Variants in RBM28 observed in about 807,000 individuals in gnomAD.
The protein encoded by RBM28 is RNA-binding protein 28.
In RBM28, 78 loss-of-function variants were observed where a neutral mutation model predicts 98.3. The ratio of observed to expected loss-of-function variants is 0.79; its 90% CI spans 0.66 to 0.96. The LOEUF (loss-of-function observed/expected upper bound fraction) is 0.96. RBM28 is among the 40% of genes least tolerant of loss of function. The probability of loss-of-function intolerance (pLI) is 0.00; values close to 1 mark genes in which losing one functional copy is unlikely to be tolerated. For missense variants in RBM28, 838 were observed against 913.0 expected (o/e 0.92, Z 1.06); for synonymous variants, 306 against 330.9 (o/e 0.92, Z 0.82).
Position 128,338,793 on chromosome 7 carries a change from T to C in RBM28, c.381A>G (p.Glu127=). 6.2e-7 allele frequency: 1 copy of C among 1,609,964 alleles called. No individual in the cohort carries two copies. The highest frequency in any genetic ancestry group is 1.1e-5 in the South Asian group (1 of 90,980). ...IIRNLSFKCS[E]DDLKTVFAQF... ...GAGCAAATACTGTCTTCAAGTCATC[T>C]TCTGAACACTGAAGCCAAAAGTGAA... Residue 127 remains glutamate, a synonymous_variant, in exon 4 of 19, where the codon GAA becomes GAG. Transcript: ENST00000223073.
Position 128,323,544 on chromosome 7 carries a change from T to C in RBM28, c.1387A>G (p.Met463Val). ...CTACTCACCCGTTCTCTTTTGGCCATATCAGCAGCACTCACACCCTCTGCA... is the reference window on the plus strand; with the variant it reads ...CTACTCACCCGTTCTCTTTTGGCCACATCAGCAGCACTCACACCCTCTGCA... ...KAAEGVSAAD[M>V]AKRERFELLK... Residue 463 changes from methionine (M) to valine (V), a missense_variant, in exon 13 of 19, where the codon ATG becomes GTG. Coordinates refer to ENST00000223073, the MANE Select transcript of RBM28 (RefSeq NM_018077.3). 1.9e-6 allele frequency: 3 copies of C among 1,614,256 alleles called. No individual in the cohort carries two copies. The highest frequency in any genetic ancestry group is 2.5e-6 in the Non-Finnish European group (3 of 1,180,050).
chr7:128,318,532 AC>A (rs1028971687), intron 14 of RBM28, among the ~76,000 whole-genome samples: 3 of 152,032 alleles, frequency 2.0e-5, no homozygotes, highest in Non-Finnish European at 4.4e-5. Context: ...TACCACCATC[AC>A]AAAAATCACA....
At chr7:128,327,471 C>A (rs1422712020) in intron 10 of RBM28, among the ~76,000 whole-genome samples, 1 of 152,126 alleles carries the variant, frequency 6.6e-6, no homozygotes, top group Non-Finnish European at 1.5e-5. Flanking sequence ...ACCAATTAAC[C>A]CATCTCTATT....
chr7:128,327,525 A>G (rs1209428514), intron 10 of RBM28, among the ~76,000 whole-genome samples: 3 of 150,074 alleles, frequency 2.0e-5, no homozygotes, highest in Non-Finnish European at 4.4e-5. Context: ...TTTGAGACGG[A>G]GTTTCGCTCT....
intron 8 of RBM28, 61 bp downstream of exon 8, chr7:128,335,482 A>G: frequency 6.3e-7 from 1 of 1,598,054 alleles, no homozygotes; most frequent in Non-Finnish European, 8.6e-7. Flanking sequence ...ACTGATGCTC[A>G]TTTCCGTAAC....
intron 17 of RBM28, among the ~76,000 whole-genome samples, chr7:128,314,250 C>A (rs1038430177): frequency 2.6e-5 from 4 of 152,204 alleles, no homozygotes; most frequent in African/African-American, 9.6e-5. Flanking sequence ...GCGTGAGCCA[C>A]CGCGCCCAGC....
chr7:128,308,535 G>C lies in RBM28; in HGVS notation c.*2262C>G, dbSNP rs1208005845. On this transcript the variant is annotated 3_prime_UTR_variant, in exon 19 of 19. Coordinates refer to ENST00000223073, the MANE Select transcript of RBM28 (RefSeq NM_018077.3). ...TTGCCAGGCTACCGTAAGAACATTT[G>C]ACAGCCCAAGTCATGTCTCGAGGTG... is the stretch of plus-strand genomic sequence containing the variant. The C allele has an allele frequency of 6.6e-6, 1 of 152,216 alleles. No individual in the cohort carries two copies. The highest frequency in any genetic ancestry group is 6.5e-5 in the Admixed American group (1 of 15,280). 9.4% of individuals were successfully genotyped at this position (152,216 alleles called of 1,614,324 possible).
intron 18 of RBM28, chr7:128,312,966 T>G (rs1796018869): frequency 1.7e-6 from 1 of 591,392 alleles, no homozygotes; most frequent in Non-Finnish European, 3.0e-6. Context: ...ACAAGGAGAC[T>G]GCTGAAACAC....
intron 16 of RBM28, among the ~76,000 whole-genome samples, chr7:128,315,807 A>T (rs1796096192): frequency 6.6e-6 from 1 of 152,250 alleles, no homozygotes; most frequent in South Asian, 2.1e-4. Context: ...AATGGAGAGA[A>T]TTTGTTGCCA....
intron 10 of RBM28, among the ~76,000 whole-genome samples, chr7:128,330,106 C>T (rs1055117684): frequency 5.3e-5 from 8 of 151,780 alleles, no homozygotes; most frequent in Non-Finnish European, 1.0e-4. Context: ...TTCCTTCTAA[C>T]GGCTGACACT....
rs1795765062 is a variant in RBM28, at chr7:128,300,440, G to C, written c.*10357C>G. The C allele has an allele frequency of 6.6e-6, 1 of 152,238 alleles. No individual in the cohort carries two copies. Among genetic ancestry groups the C allele is most frequent in the South Asian group, 2.1e-4 (1 of 4,830 alleles). The allele number at this position is 152,238 out of a possible 1,614,324, so 9.4% of individuals were successfully genotyped here. ...TGCTCAGGACCCTCTGCAGCTCCTG[G>C]GGGAACACTGGCACAGACGGGTGCA... On this transcript the variant is annotated 3_prime_UTR_variant, in exon 19 of 19. Transcript: ENST00000223073.
intron 2 of RBM28, 81 bp downstream of exon 2, chr7:128,339,552 C>T (rs1408731477): frequency 6.6e-7 from 1 of 1,504,138 alleles, no homozygotes; most frequent in Non-Finnish European, 9.2e-7. Flanking sequence ...CTAGAAGCTA[C>T]CTCCATGCCT....
intron 14 of RBM28, among the ~76,000 whole-genome samples, chr7:128,319,159 A>G (rs980847241): frequency 5.9e-5 from 9 of 152,280 alleles, no homozygotes; most frequent in African/African-American, 2.2e-4. Flanking sequence ...TTGGGGATGC[A>G]TGGATGCCGC....
intron 8 of RBM28, among the ~76,000 whole-genome samples, chr7:128,334,234 A>G (rs895215529): frequency 1.3e-5 from 2 of 152,254 alleles, no homozygotes; most frequent in African/African-American, 4.8e-5. Flanking sequence ...GATGCACAAG[A>G]AACAACAGTG....
intron 9 of RBM28, among the ~76,000 whole-genome samples, chr7:128,331,757 C>T (rs747179132): frequency 1.3e-5 from 2 of 152,060 alleles, no homozygotes; most frequent in African/African-American, 2.4e-5. Flanking sequence ...AATTTCAACA[C>T]AGTATAAAGA....
At chr7:128,317,763 T>C (rs1262255562) in intron 15 of RBM28, 30 bp from the exon 16 acceptor site, 4 of 1,531,330 alleles carry the variant, frequency 2.6e-6, no homozygotes, top group Admixed American at 1.7e-5. Context: ...TGCCATTCAT[T>C]AGACTTCTTA....
rs1030347436 is a variant in RBM28 at position 128,305,212 on chromosome 7, T to A, written c.*5585A>T. 5.3e-5 allele frequency: 8 copies of A among 151,112 alleles called. No individual in the cohort carries two copies. The highest frequency in any genetic ancestry group is 1.2e-4 in the Non-Finnish European group (8 of 67,854). The allele number at this position is 151,112 out of a possible 1,614,324, so 9.4% of individuals were successfully genotyped here. ...CTGCATCAATCCTGTTGTCTCACTG[T>A]AAATAGCATAAGAACAATGTTCTGG... On this transcript the variant is annotated 3_prime_UTR_variant, in exon 19 of 19. Transcript: ENST00000223073.
At chr7:128,340,838 T>C (rs1179984650) in intron 1 of RBM28, among the ~76,000 whole-genome samples, 1 of 152,198 alleles carries the variant, frequency 6.6e-6, no homozygotes, top group Non-Finnish European at 1.5e-5. Context: ...GCAAATATTA[T>C]CACCCCTTCT....
intron 10 of RBM28, among the ~76,000 whole-genome samples, chr7:128,326,868 G>A (rs191336424): frequency 2.0e-5 from 3 of 152,218 alleles, no homozygotes; most frequent in African/African-American, 7.2e-5. Context: ...GGCTGGGTGT[G>A]GTGGCTTACA....
Sources: gnomAD v4.1 joint callset for allele counts (sites outside exome capture counted in the v4.1 genomes callset) on GRCh38, gnomAD v4.1.1 for gene constraint, MANE v1.5 for transcripts, NCBI Gene and HGNC (gene_info 2026-07-23, HGNC 2026-07-21) for gene names.